DISC1: variants seen among roughly 807,000 people sequenced by gnomAD.
DISC1 encodes the protein disrupted in schizophrenia 1 protein.
Under a neutral mutation model 84.5 loss-of-function variants are expected in DISC1, and 57 were observed. That is an observed-to-expected ratio of 0.67 (90% CI 0.55 to 0.84). DISC1 has a LOEUF of 0.84. Ranked by LOEUF, DISC1 falls within the 40% of genes least tolerant of loss-of-function variation. DISC1 has a pLI of 0.00. For missense variants in DISC1, 1,000 were observed against 1,057.8 expected (o/e 0.95, Z 0.76); for synonymous variants, 411 against 415.2 (o/e 0.99, Z 0.12).
At chr1:231,781,874 A>G (rs752065314) in intron 6 of DISC1, among the ~76,000 whole-genome samples, 16 of 152,366 alleles carry the variant, frequency 1.1e-4, no homozygotes, top group Admixed American at 5.2e-4. Flanking sequence ...CTCTGCTCAG[A>G]TAGACCCTTC....
intron 6 of DISC1, among the ~76,000 whole-genome samples, chr1:231,791,980 G>A (rs928582302): frequency 6.6e-6 from 1 of 152,098 alleles, no homozygotes; most frequent in African/African-American, 2.4e-5. Flanking sequence ...GTTTTATAGT[G>A]CTGTGTAAAC....
rs187880012 is a variant in DISC1 at position 231,672,939 on chromosome 1, C to T, written c.68-20887C>T. Reference sequence around the variant, plus strand: ...CCCAGGTGATTTTGATGCACGTGACCCCCAGATCACACTCATGCCTAACTA... The same window carrying T: ...CCCAGGTGATTTTGATGCACGTGACTCCCAGATCACACTCATGCCTAACTA... On this transcript the variant is annotated intron_variant, in intron 1 of 12. Coordinates refer to ENST00000439617, the MANE Select transcript of DISC1 (RefSeq NM_018662.3). 3.6e-3 allele frequency among the ~76,000 whole-genome samples: 543 copies of T among 152,216 alleles called. 4 individuals carry two copies. Among genetic ancestry groups the T allele is most frequent in the African/African-American group, 0.013 (523 of 41,524 alleles).
intron 9 of DISC1, among the ~76,000 whole-genome samples, chr1:231,958,602 T>C (rs1178783803): frequency 1.3e-5 from 2 of 152,212 alleles, no homozygotes; most frequent in Non-Finnish European, 2.9e-5. Context: ...GCGCTATTGC[T>C]CCAGCCTCTG....
At chr1:231,629,796 C>T (rs773658354) in intron 1 of DISC1, among the ~76,000 whole-genome samples, 2 of 152,088 alleles carry the variant, frequency 1.3e-5, no homozygotes, top group Non-Finnish European at 2.9e-5. Context: ...AAAACTTTTT[C>T]TTTTTTTAAA....
rs2070037069 is a variant in DISC1, at chr1:231,722,905, A to G, written c.1117+20881A>G. On this transcript the variant is annotated intron_variant, in intron 3 of 12. Transcript: ENST00000439617. ...ACCGCTATTGTTCTGTGTTGGGACA[A>G]TTAGATTTTTGTAGGGGGGAGAAAC... The G allele has an allele frequency of 2.6e-5, 34 of 1,299,044 alleles. No individual in the cohort carries two copies. The South Asian group carries it at 5.9e-4, about 23-fold the overall frequency. 80.5% of individuals were successfully genotyped at this position (1,299,044 alleles called of 1,614,324 possible).
intron 6 of DISC1, among the ~76,000 whole-genome samples, chr1:231,780,245 AAAAAAAG>A (rs1446998868): frequency 6.6e-6 from 1 of 151,260 alleles, no homozygotes; most frequent in Non-Finnish European, 1.5e-5. Flanking sequence ...AATAAAAAAA[AAAAAAAG>A]AAAAGGAAAG....
intron 9 of DISC1, among the ~76,000 whole-genome samples, chr1:231,896,204 A>G (rs2087676580): frequency 2.0e-5 from 3 of 152,146 alleles, no homozygotes; most frequent in African/African-American, 7.2e-5. Flanking sequence ...AATGGGAAAG[A>G]TTTAGGGAAT....
At chr1:231,763,809 A>G (rs988878101) in intron 4 of DISC1, among the ~76,000 whole-genome samples, 4 of 152,208 alleles carry the variant, frequency 2.6e-5, no homozygotes, top group African/African-American at 9.6e-5. Context: ...GCTCCATGGA[A>G]GAACCAAGAA....
chr1:231,948,861 ATTTTT>A (rs58931988), intron 9 of DISC1, among the ~76,000 whole-genome samples: 1 of 94,456 alleles, frequency 1.1e-5, no homozygotes, highest in Non-Finnish European at 2.0e-5. Flanking sequence ...TCCTGTGTTA[ATTTTT>A]TTTTTTTTTT....
At chr1:231,840,470 A>G (rs1292422542) in intron 9 of DISC1, among the ~76,000 whole-genome samples, 1 of 152,208 alleles carries the variant, frequency 6.6e-6, no homozygotes, top group African/African-American at 2.4e-5. Context: ...ACGACTCAGT[A>G]ATAAGGAACA....
intron 10 of DISC1, chr1:231,959,602 T>G (rs1036885339): frequency 2.8e-6 from 2 of 707,950 alleles, no homozygotes; most frequent in African/African-American, 3.9e-5. Flanking sequence ...TAAGCCTTTG[T>G]CTGCTAGGAC....
intron 9 of DISC1, among the ~76,000 whole-genome samples, chr1:231,847,091 G>A (rs1463040602): frequency 6.6e-6 from 1 of 152,158 alleles, no homozygotes; most frequent in Non-Finnish European, 1.5e-5. Flanking sequence ...GACAACAGAT[G>A]TTTATTTTCT....
At chr1:231,883,064 A>G (rs1427577075) in intron 9 of DISC1, among the ~76,000 whole-genome samples, 5 of 152,014 alleles carry the variant, frequency 3.3e-5, no homozygotes, top group Admixed American at 3.3e-4. Context: ...AGAGCGACAG[A>G]TGCCATGAGA....
chr1:231,800,988 G>A (rs575507650), intron 8 of DISC1, among the ~76,000 whole-genome samples: 2 of 152,070 alleles, frequency 1.3e-5, no homozygotes, highest in South Asian at 4.2e-4. Context: ...TTTATAGGTT[G>A]AATGGACCCA....
chr1:231,740,438 A>G (rs2073095687), intron 3 of DISC1, among the ~76,000 whole-genome samples: 1 of 152,100 alleles, frequency 6.6e-6, no homozygotes, highest in African/African-American at 2.4e-5. Context: ...GTTCTATCCA[A>G]TGTCATGCCT....
At chr1:231,686,486 C>A (rs569652060) in intron 1 of DISC1, among the ~76,000 whole-genome samples, 17 of 152,276 alleles carry the variant, frequency 1.1e-4, no homozygotes, top group African/African-American at 3.8e-4. Flanking sequence ...TCTATGTTGG[C>A]CCCTTTCAGC....
intron 9 of DISC1, among the ~76,000 whole-genome samples, chr1:231,920,905 ATT>A (rs34325068): frequency 1.0e-3 from 115 of 112,888 alleles, no homozygotes; most frequent in Admixed American, 2.5e-3. Flanking sequence ...CTGAACTGCT[ATT>A]TTTTTTTTTT....
At chr1:231,785,291 T>G (rs1469859306) in intron 6 of DISC1, among the ~76,000 whole-genome samples, 1 of 149,848 alleles carries the variant, frequency 6.7e-6, no homozygotes, top group Non-Finnish European at 1.5e-5. Context: ...ATTTATTTAT[T>G]TATTTAGAGA....
At position 231,689,781 on chromosome 1, in the gene DISC1, C is replaced by T. The variant is rs1168321731; in HGVS notation, c.68-4045C>T. On this transcript the variant is annotated intron_variant, in intron 1 of 12. Transcript: ENST00000439617. ...GAATTATAAGGACCTCAGGAAACTT[C>T]TGTGTAGTATAAACTGGAAACAATT... 3.9e-5 allele frequency among the ~76,000 whole-genome samples: 6 copies of T among 152,194 alleles called. No homozygotes were observed. In the East Asian group the frequency reaches 9.6e-4, roughly 24 times the overall value.
Sources: allele counts gnomAD v4.1 joint callset (sites outside exome capture counted in the v4.1 genomes callset), GRCh38; gene constraint gnomAD v4.1.1; transcripts MANE v1.5; gene names NCBI Gene and HGNC (gene_info 2026-07-23, HGNC 2026-07-21).